Variants in SEMA3G observed in about 807,000 individuals in gnomAD.
SEMA3G encodes semaphorin 3G, also known as semaphorin-3G.
Under a neutral mutation model 86.2 loss-of-function variants are expected in SEMA3G, and 70 were observed. The ratio of observed to expected loss-of-function variants is 0.81; its 90% CI spans 0.67 to 0.99. The LOEUF (loss-of-function observed/expected upper bound fraction) is 0.99, where lower values mean the gene tolerates loss of function less well. SEMA3G is among the 50% of genes least tolerant of loss of function. SEMA3G has a pLI of 0.00. For synonymous variants in SEMA3G, 416 were observed against 441.4 expected, an observed-to-expected ratio of 0.94 and a Z score of 0.72; for missense variants, 1,002 against 1,072.4, an observed-to-expected ratio of 0.93 and a Z score of 0.92.
chr3:52,436,307 T>C (rs549046685), intron 15 of SEMA3G, among the ~76,000 whole-genome samples: 1 of 152,368 alleles, frequency 6.6e-6, no homozygotes, highest in South Asian at 2.1e-4. Flanking sequence ...TCTCAAGGAT[T>C]TGACTGGCTG....
chr3:52,438,888 G>C lies in SEMA3G; in HGVS notation c.1509+32C>G, dbSNP rs555962731. 1.3e-5 allele frequency: 21 copies of C among 1,611,980 alleles called. No individual in the cohort carries two copies. In the African/African-American group the frequency reaches 2.7e-4, roughly 20 times the overall value. ...AGGCTGCGGAGCAGGGGCAGAAGGG[G>C]GGTCCAAGAGGAGGGTGGCAGCTGT... On this transcript the variant is annotated intron_variant, in intron 13 of 15. Transcript: ENST00000231721.
At position 52,441,001 on chromosome 3, in the gene SEMA3G, G is replaced by GA; in HGVS notation, c.860dup (p.Leu288ProfsTer20). On this transcript the variant is annotated frameshift_variant, in exon 8 of 16. Coordinates refer to ENST00000231721, the MANE Select transcript of SEMA3G (RefSeq NM_020163.3). LOFTEE classifies it high-confidence loss of function. ...CCGAGCAGACCAGCCTGGCCTTGAG[G>GA]AAAGTGCTCCATTTGTTCACCAGCA... The GA allele has an allele frequency of 6.2e-7, 1 of 1,605,204 alleles. No homozygotes were observed.
chr3:52,435,583 C>T lies in SEMA3G; in HGVS notation c.*20G>A, dbSNP rs1706029516. On this transcript the variant is annotated 3_prime_UTR_variant, in exon 16 of 16. Coordinates refer to ENST00000231721, the MANE Select transcript of SEMA3G (RefSeq NM_020163.3). ...AGTGGGCCCCCCAGCCCATCCTGAC[C>T]ACCCCTCCTCTGCCCCCTTCTACGT... 6.3e-7 allele frequency: 1 copy of T among 1,593,310 alleles called. No individual in the cohort carries two copies. The highest frequency in any genetic ancestry group is 8.6e-7 in the Non-Finnish European group (1 of 1,167,976).
In SEMA3G at chr3:52,442,519, G is replaced by T; in HGVS notation, c.339+40C>A. ...CGGATTGTCCTGGGGGTCAGGGCAG[G>T]GTGTCAGGTCGGGGGACCATCCCTC... On this transcript the variant is annotated intron_variant, in intron 3 of 15. Coordinates refer to ENST00000231721, the MANE Select transcript of SEMA3G (RefSeq NM_020163.3). The surrounding 1 kb of genome is among the most constrained non-coding windows in gnomAD (Gnocchi z 6.1). The T allele has an allele frequency of 1.2e-6, 2 of 1,606,982 alleles. No homozygotes were observed. Among genetic ancestry groups the T allele is most frequent in the Non-Finnish European group, 8.5e-7 (1 of 1,173,630 alleles).
At position 52,436,040 on chromosome 3, in the gene SEMA3G, G is replaced by C. The variant is rs369858134; in HGVS notation, c.1912C>G (p.Arg638Gly). ...KTDERVLHTERGLLFRRLSRF... is the reference protein window; with the variant it reads ...KTDERVLHTEGGLLFRRLSRF... ...CTAAGCCTGCGGAACAGCAGCCCCC[G>C]CTCCGTGTGCAAGACTCGCTCGTCC... Residue 638 changes from arginine (R) to glycine (G), a missense_variant, in exon 16 of 16, where the codon CGG becomes GGG. Physicochemically the swap from Arg to Gly is moderately radical, Grantham distance 125. Transcript: ENST00000231721. 2.0e-5 allele frequency: 32 copies of C among 1,612,590 alleles called. No homozygotes were observed. The highest frequency in any genetic ancestry group is 2.6e-5 in the Non-Finnish European group (31 of 1,179,456).
At position 52,441,920 on chromosome 3, in the gene SEMA3G, GGA is replaced by G; in HGVS notation, c.460-13_460-12del. ...CAGGTGGAGCACATGCTAGTGGGAG[GGA>G]GAGAGGGAGGGAGGGGCGTCACCTG... is the stretch of plus-strand genomic sequence containing the variant. On this transcript the variant is annotated splice_polypyrimidine_tract_variant and intron_variant, in intron 4 of 15. Coordinates refer to ENST00000231721, the MANE Select transcript of SEMA3G (RefSeq NM_020163.3). The G allele has an allele frequency of 6.5e-7, 1 of 1,548,822 alleles. No homozygotes were observed.
In SEMA3G at chr3:52,435,483, C is replaced by T; in HGVS notation, c.*120G>A. 1.1e-6 allele frequency: 1 copy of T among 948,312 alleles called. No homozygotes were observed. The highest frequency in any genetic ancestry group is 2.3e-5 in the Admixed American group (1 of 43,784). 58.7% of individuals were successfully genotyped at this position (948,312 alleles called of 1,614,324 possible). A position where few individuals can be genotyped will look rare whatever the true frequency, so the allele number is the denominator to read the frequency against. Reference sequence around the variant, plus strand: ...CAGTAGCGGTGTGGGGGCAGAGACACCTGTCTCTAAGAGGCAAACAGACAT... The same window carrying T: ...CAGTAGCGGTGTGGGGGCAGAGACATCTGTCTCTAAGAGGCAAACAGACAT... On this transcript the variant is annotated 3_prime_UTR_variant, in exon 16 of 16. Transcript: ENST00000231721.
chr3:52,439,657 C>A, intron 12 of SEMA3G, 23 bp downstream of exon 12: 1 of 1,589,724 alleles, frequency 6.3e-7, no homozygotes, highest in Non-Finnish European at 8.6e-7. Flanking sequence ...TTGGAGGGAC[C>A]CTTCCATCAG....
At chr3:52,437,901 G>A (rs11717063) in intron 14 of SEMA3G, 70 bp downstream of exon 14, 93 of 1,391,720 alleles carry the variant, frequency 6.7e-5, no homozygotes, top group Middle Eastern at 1.9e-4. Flanking sequence ...AATGCACTTC[G>A]CAGGGGTGGA....
chr3:52,442,036 G>T lies in SEMA3G; in HGVS notation c.460-127C>A. 7.5e-7 allele frequency: 1 copy of T among 1,325,782 alleles called. No individual in the cohort carries two copies. 82.1% of individuals were successfully genotyped at this position (1,325,782 alleles called of 1,614,324 possible). A position where few individuals can be genotyped will look rare whatever the true frequency, so the allele number is the denominator to read the frequency against. ...TGGGCGGAAGGCGTCCTCATCCAGG[G>T]CCCCTCTAATGGGGTCAGCTCCCCA... On this transcript the variant is annotated intron_variant, in intron 4 of 15. Coordinates refer to ENST00000231721, the MANE Select transcript of SEMA3G (RefSeq NM_020163.3). The surrounding 1 kb of genome is among the most constrained non-coding windows in gnomAD (Gnocchi z 6.1).
chr3:52,441,247 C>A lies in SEMA3G; in HGVS notation c.813+17G>T, dbSNP rs745886064. 1.2e-6 allele frequency: 2 copies of A among 1,610,364 alleles called. No homozygotes were observed. The highest frequency in any genetic ancestry group is 2.2e-5 in the South Asian group (2 of 90,606). On this transcript the variant is annotated intron_variant, in intron 7 of 15. Coordinates refer to ENST00000231721, the MANE Select transcript of SEMA3G (RefSeq NM_020163.3). ...GTAGCAGGGACTTGAACCTCACCAC[C>A]CCTTCCCAGCTCTTACCACGCAGAC...
intron 8 of SEMA3G, 55 bp from the exon 9 acceptor site, chr3:52,440,878 C>T: frequency 3.1e-6 from 5 of 1,600,548 alleles, no homozygotes; most frequent in Admixed American, 3.3e-5. Flanking sequence ...CCCTGACTCA[C>T]CAGCTCTCAG....
At chr3:52,438,490 T>C (rs992275490) in intron 13 of SEMA3G, 17 of 985,350 alleles carry the variant, frequency 1.7e-5, no homozygotes, top group Non-Finnish European at 2.4e-6. Flanking sequence ...GGGGCCTTTA[T>C]CCTGAGTTGT....
chr3:52,435,684 T>C lies in SEMA3G; in HGVS notation c.2268A>G (p.Ala756=), dbSNP rs1235246959. ...TCATCTTCTTGCCTAGCTCCAGCCC[T>C]GCCCAGCTCTTGCCCCTGGCCTGCT... is the stretch of plus-strand genomic sequence containing the variant. The part of the protein sequence containing the change: ...RGKQARGKSW[A]GLELGKKMKS... Residue 756 remains alanine, a synonymous_variant, in exon 16 of 16, where the codon GCA becomes GCG. Coordinates refer to ENST00000231721, the MANE Select transcript of SEMA3G (RefSeq NM_020163.3). 2 of 1,613,948 alleles carry C rather than the reference T, an allele frequency of 1.2e-6. No homozygotes were observed. Among genetic ancestry groups the C allele is most frequent in the East Asian group, 2.2e-5 (1 of 44,870 alleles).
In SEMA3G at chr3:52,435,873, T is replaced by G. The variant is rs138549917; in HGVS notation, c.2079A>C (p.Pro693=). 2.5e-4 allele frequency: 408 copies of G among 1,614,066 alleles called. No homozygotes were observed. In the African/African-American group the frequency reaches 4.7e-3, roughly 19 times the overall value. Residue 693 remains proline (P), a synonymous_variant, in exon 16 of 16, where the codon CCA becomes CCC. Coordinates refer to ENST00000231721, the MANE Select transcript of SEMA3G (RefSeq NM_020163.3). ...FPPEPKPEEP[P]ARGGLASTPP... Reference sequence around the variant, plus strand: ...GGGTGGAAGCCAGGCCTCCCCGGGCTGGGGGCTCCTCTGGCTTTGGCTCCG... The same window carrying G: ...GGGTGGAAGCCAGGCCTCCCCGGGCGGGGGGCTCCTCTGGCTTTGGCTCCG...
Position 52,442,296 on chromosome 3 carries a change from G to A in SEMA3G, c.348C>T (p.Cys116=), listed in dbSNP as rs370503625. The A allele has an allele frequency of 5.7e-5, 92 of 1,613,566 alleles. No homozygotes were observed. Among genetic ancestry groups the A allele is most frequent in the East Asian group, 6.7e-5 (3 of 44,846 alleles). The change falls in exon 4 of 16, where the codon TGC becomes TGT. Residue 116 remains cysteine (C), a synonymous_variant. Coordinates refer to ENST00000231721, the MANE Select transcript of SEMA3G (RefSeq NM_020163.3). The surrounding 1 kb of genome is among the most constrained non-coding windows in gnomAD (Gnocchi z 6.1). The part of the protein sequence containing the change: ...VRKGRDPLTE[C]ANFVRVLQPH... ...GCTGTAGCACCCGCACGAAGTTGGC[G>A]CACTCTGTCTGCGGGGAGAAGGAGG... is the stretch of plus-strand genomic sequence containing the variant.
chr3:52,444,507 C>G (rs905216845), intron 1 of SEMA3G, among the ~76,000 whole-genome samples: 10 of 150,650 alleles, frequency 6.6e-5, no homozygotes, highest in Non-Finnish European at 1.5e-4. Context: ...AAACATGGCA[C>G]ACGCACACAA....
chr3:52,443,600 CA>C (rs1441926718), intron 1 of SEMA3G, among the ~76,000 whole-genome samples: 1 of 152,096 alleles, frequency 6.6e-6, no homozygotes, highest in African/African-American at 2.4e-5. Context: ...GGGTGCTGGC[CA>C]CCTTTGGGAA....
rs752378985 is a variant in SEMA3G, at chr3:52,435,758, T to C, written c.2194A>G (p.Arg732Gly). 1 of 1,614,056 alleles carries C rather than the reference T, an allele frequency of 6.2e-7. No individual in the cohort carries two copies. The highest frequency in any genetic ancestry group is 1.7e-5 in the Admixed American group (1 of 60,026). The part of the protein sequence containing the change: ...VDEYCERVWC[R>G]GTTECSGCFR... ...CAGCCTGAGCATTCCGTGGTGCCCC[T>C]GCACCACACGCGCTCACAGTACTCA... Residue 732 changes from arginine (R) to glycine (G), a missense_variant, in exon 16 of 16, where the codon AGG (arginine) becomes GGG (glycine). By Grantham distance (125) the Arg-to-Gly change is moderately radical (BLOSUM62 -2). Coordinates refer to ENST00000231721, the MANE Select transcript of SEMA3G (RefSeq NM_020163.3).
Sources: gnomAD v4.1 joint callset for allele counts (sites outside exome capture counted in the v4.1 genomes callset) on GRCh38, gnomAD v4.1.1 for gene constraint, Gnocchi (gnomAD v3.1) non-coding constraint, MANE v1.5 for transcripts, NCBI Gene and HGNC (gene_info 2026-07-23, HGNC 2026-07-21) for gene names.